Variants in ETV6 observed in about 807,000 individuals in gnomAD.
The protein encoded by ETV6 is transcription factor ETV6.
ETV6 carries 16 observed loss-of-function variants against 51.1 expected under a neutral mutation model. The observed-to-expected ratio is 0.31, with a 90% CI of 0.21 to 0.48. ETV6 has a LOEUF of 0.48. ETV6 is among the 20% of genes least tolerant of loss of function. The pLI is 0.99. For synonymous variants in ETV6, 240 were observed against 224.1 expected, an observed-to-expected ratio of 1.07 and a Z score of -0.64; for missense variants, 458 against 594.8, an observed-to-expected ratio of 0.77 and a Z score of 2.39.
Position 11,830,900 on chromosome 12 carries a change from G to A in ETV6, c.164-8240G>A, listed in dbSNP as rs1946234566. Among the ~76,000 whole-genome samples, 3 of 152,264 alleles carry A rather than the reference G, an allele frequency of 2.0e-5. No individual in the cohort carries two copies. The South Asian group carries it at 6.2e-4, about 32-fold the overall frequency. On this transcript the variant is annotated intron_variant, in intron 2 of 7. Transcript: ENST00000396373. ...TGGAAAAGTAGAAATGATAGCAGAG[G>A]GTGAGAATAAAAACATGATTTTAGG...
chr12:11,838,963 G>A (rs569792766), intron 2 of ETV6, among the ~76,000 whole-genome samples, 177 bp from the exon 3 acceptor site: 28 of 152,372 alleles, frequency 1.8e-4, no homozygotes, highest in African/African-American at 6.5e-4. Context: ...GCTTCGAGAA[G>A]CCCCCAGTGG....
At chr12:11,701,650 G>A (rs903261833) in intron 1 of ETV6, among the ~76,000 whole-genome samples, 1 of 152,104 alleles carries the variant, frequency 6.6e-6, no homozygotes, top group Non-Finnish European at 1.5e-5. Context: ...ATTAATGTTC[G>A]CTTAGCAACT....
At chr12:11,881,798 T>G (rs1435029084) in intron 5 of ETV6, among the ~76,000 whole-genome samples, 1 of 152,240 alleles carries the variant, frequency 6.6e-6, no homozygotes, top group Non-Finnish European at 1.5e-5. Context: ...AAAGACACTT[T>G]GCCACTTTTT....
At chr12:11,693,582 C>A (rs996725862) in intron 1 of ETV6, among the ~76,000 whole-genome samples, 1 of 152,140 alleles carries the variant, frequency 6.6e-6, no homozygotes, top group African/African-American at 2.4e-5. Context: ...CACCCAAGTT[C>A]GGACTCAGGA....
Position 11,877,661 on chromosome 12 carries a change from C to G in ETV6, c.1010-6784C>G, listed in dbSNP as rs1318569395. Among the ~76,000 whole-genome samples, 9 of 152,260 alleles carry G rather than the reference C, an allele frequency of 5.9e-5. No homozygotes were observed. The East Asian group carries it at 1.5e-3, about 26-fold the overall frequency. ...CAGTACCCTCAAGAGCTCCTGGAGA[C>G]AGATGGCCCCGAACAGTCCTAGGGA... On this transcript the variant is annotated intron_variant, in intron 5 of 7. Transcript: ENST00000396373.
chr12:11,843,283 A>G (rs1946416236), intron 3 of ETV6, among the ~76,000 whole-genome samples: 2 of 152,232 alleles, frequency 1.3e-5, no homozygotes, highest in African/African-American at 4.8e-5. Flanking sequence ...CTCCTTAGGC[A>G]GGGGCAAGAT....
chr12:11,833,904 T>A (rs1001942360), intron 2 of ETV6, among the ~76,000 whole-genome samples: 3 of 152,134 alleles, frequency 2.0e-5, no homozygotes, highest in African/African-American at 4.8e-5. Context: ...AGTTTTCTCA[T>A]CTGTAAAAAA....
At chr12:11,792,052 C>T (rs74060852) in intron 2 of ETV6, among the ~76,000 whole-genome samples, 35 of 152,228 alleles carry the variant, frequency 2.3e-4, no homozygotes, top group African/African-American at 7.2e-4. Context: ...CTGAGAGCTG[C>T]GGCTAAAAGC....
At chr12:11,818,958 C>G (rs377682374) in intron 2 of ETV6, among the ~76,000 whole-genome samples, 1 of 152,218 alleles carries the variant, frequency 6.6e-6, no homozygotes, top group African/African-American at 2.4e-5. Context: ...AACAGGCGTC[C>G]CTCTCCTGTA....
chr12:11,827,706 G>GCCT (rs1001015883), intron 2 of ETV6, among the ~76,000 whole-genome samples: 1 of 152,160 alleles, frequency 6.6e-6, no homozygotes, highest in African/African-American at 2.4e-5. Context: ...ACAAAGCCAA[G>GCCT]CCTCCTCCAT....
chr12:11,794,313 C>G (rs1270530993), intron 2 of ETV6, among the ~76,000 whole-genome samples: 1 of 152,202 alleles, frequency 6.6e-6, no homozygotes, highest in Non-Finnish European at 1.5e-5. Context: ...AAACCGACCT[C>G]TGCCTGACCC....
Position 11,686,146 on chromosome 12 carries a change from T to C in ETV6, c.33+35986T>C, listed in dbSNP as rs140140968. Reference sequence around the variant, plus strand: ...TTTAGGCTTTACCAGTCAGCTACATTAAAAGCTGTGGATAGTTTTGCAATT... The same window carrying C: ...TTTAGGCTTTACCAGTCAGCTACATCAAAAGCTGTGGATAGTTTTGCAATT... On this transcript the variant is annotated intron_variant, in intron 1 of 7. Transcript: ENST00000396373. Among the ~76,000 whole-genome samples, 711 of 152,348 alleles carry C rather than the reference T, an allele frequency of 4.7e-3. 2 individuals carry two copies. Among genetic ancestry groups the C allele is most frequent in the Non-Finnish European group, 7.6e-3 (517 of 68,028 alleles).
intron 3 of ETV6, among the ~76,000 whole-genome samples, chr12:11,844,962 G>T (rs1266954937): frequency 6.6e-6 from 1 of 152,098 alleles, no homozygotes; most frequent in Non-Finnish European, 1.5e-5. Context: ...CTCCTGAGTA[G>T]CTGGGACTAC....
intron 7 of ETV6, among the ~76,000 whole-genome samples, chr12:11,888,153 CTGAAACCA>C (rs1253138275): frequency 6.6e-6 from 1 of 152,214 alleles, no homozygotes; most frequent in Non-Finnish European, 1.5e-5. Flanking sequence ...CTGCTGCCTC[CTGAAACCA>C]TAATACAAAC....
intron 3 of ETV6, among the ~76,000 whole-genome samples, chr12:11,849,020 C>T (rs1247793084): frequency 6.6e-6 from 1 of 152,200 alleles, no homozygotes; most frequent in Non-Finnish European, 1.5e-5. Context: ...GTTAGATATA[C>T]AGTGCTGTGG....
intron 1 of ETV6, among the ~76,000 whole-genome samples, chr12:11,654,171 A>G (rs1863957843): frequency 6.6e-6 from 1 of 152,182 alleles, no homozygotes; most frequent in African/African-American, 2.4e-5. Context: ...AAAAATAACA[A>G]AGAAGGAAAT....
chr12:11,684,852 C>G (rs1224173086), intron 1 of ETV6, among the ~76,000 whole-genome samples: 2 of 152,018 alleles, frequency 1.3e-5, no homozygotes, highest in Non-Finnish European at 2.9e-5. Flanking sequence ...GTTATAATAC[C>G]CAAGAGCCAA....
At chr12:11,702,244 G>A (rs1279665807) in intron 1 of ETV6, among the ~76,000 whole-genome samples, 1 of 152,144 alleles carries the variant, frequency 6.6e-6, no homozygotes, top group Non-Finnish European at 1.5e-5. Context: ...CAGGTGCATC[G>A]GGCCTGTTGA....
chr12:11,722,548 T>C (rs1412485944), intron 1 of ETV6, among the ~76,000 whole-genome samples: 1 of 152,230 alleles, frequency 6.6e-6, no homozygotes, highest in Admixed American at 6.5e-5. Flanking sequence ...TCAGACGTTA[T>C]GAAGGAGTTA....
Sources: gnomAD v4.1 joint callset for allele counts (sites outside exome capture counted in the v4.1 genomes callset) on GRCh38, gnomAD v4.1.1 for gene constraint, MANE v1.5 for transcripts, NCBI Gene and HGNC (gene_info 2026-07-23, HGNC 2026-07-21) for gene names.